IFT122: variants seen among roughly 807,000 people sequenced by gnomAD.
IFT122 encodes intraflagellar transport 122.
IFT122 carries 118 observed loss-of-function variants against 161.6 expected under a neutral mutation model. The observed-to-expected ratio is 0.73, with a 90% CI of 0.63 to 0.85. The LOEUF is 0.85. IFT122 is among the 40% of genes least tolerant of loss of function. IFT122 has a pLI of 0.00. For missense variants in IFT122, 1,381 were observed against 1,579.6 expected (o/e 0.87, Z 2.13); for synonymous variants, 550 against 602.4 (o/e 0.91, Z 1.27).
Position 129,502,734 on chromosome 3 carries a change from T to C in IFT122, c.2399T>C (p.Leu800Pro). 6.2e-7 allele frequency: 1 copy of C among 1,609,666 alleles called. No homozygotes were observed. The highest frequency in any genetic ancestry group is 8.5e-7 in the Non-Finnish European group (1 of 1,179,988). The change falls in exon 20 of 30, where the codon CTG becomes CCG. Residue 800 changes from leucine (L) to proline (P), a missense_variant. This residue lies in a region of IFT122 where 496 missense variants were observed against 502.5 expected (regional missense o/e 0.99). Coordinates refer to ENST00000348417, the MANE Select transcript of IFT122 (RefSeq NM_052989.3). The part of the protein sequence containing the change: ...VDMLIDIARK[L>P]DKAEREPLLL... ...AGGTTGATCGACATCGCCCGCAAACTGGACAAGGCTGAGCGCGAGCCCCTG... is the reference window on the plus strand; with the variant it reads ...AGGTTGATCGACATCGCCCGCAAACCGGACAAGGCTGAGCGCGAGCCCCTG...
At chr3:129,476,138 A>C in intron 9 of IFT122, 177 bp from the exon 10 acceptor site, 1 of 683,798 alleles carries the variant, frequency 1.5e-6, no homozygotes, top group Non-Finnish European at 2.6e-6. Flanking sequence ...ATGAGTAGGG[A>C]GATGCAGAGG....
chr3:129,455,603 C>G (rs546125588), intron 3 of IFT122, among the ~76,000 whole-genome samples: 280 of 151,544 alleles, frequency 1.8e-3, no homozygotes, highest in Non-Finnish European at 3.2e-3. Context: ...TATTCCAGGC[C>G]CAGTTCTAAG....
intron 9 of IFT122, chr3:129,476,043 C>T (rs2077901625): frequency 4.0e-6 from 2 of 502,884 alleles, no homozygotes; most frequent in East Asian, 3.7e-5. Context: ...GGAGCCCTGA[C>T]ACACTCCTGC....
intron 9 of IFT122, among the ~76,000 whole-genome samples, chr3:129,471,344 C>G (rs1414847093): frequency 6.6e-6 from 1 of 152,200 alleles, no homozygotes; most frequent in Admixed American, 6.5e-5. Context: ...GGCTGATTTC[C>G]TAAAACTCTC....
chr3:129,505,053 TC>T (rs1293508376), intron 21 of IFT122, among the ~76,000 whole-genome samples: 1 of 152,210 alleles, frequency 6.6e-6, no homozygotes, highest in East Asian at 1.9e-4. Context: ...TATAGAACTT[TC>T]GCTGATGTTA....
intron 3 of IFT122, among the ~76,000 whole-genome samples, chr3:129,454,554 T>TGTGTGC (rs1263418566): frequency 1.3e-5 from 2 of 150,216 alleles, no homozygotes; most frequent in Admixed American, 6.6e-5. Flanking sequence ...TGTGTGTGTG[T>TGTGTGC]GTGCATGTTT....
intron 9 of IFT122, among the ~76,000 whole-genome samples, chr3:129,473,374 T>G (rs1057218414): frequency 1.3e-5 from 2 of 152,236 alleles, no homozygotes; most frequent in African/African-American, 2.4e-5. Flanking sequence ...TTTTTTCCCT[T>G]GAATATGGTT....
intron 17 of IFT122, 41 bp downstream of exon 17, chr3:129,492,235 TG>T (rs1259387853): frequency 6.7e-7 from 1 of 1,498,732 alleles, no homozygotes; most frequent in Non-Finnish European, 9.3e-7. Context: ...AAGGCATACT[TG>T]GGGTTCCTGT....
chr3:129,514,590 C>G, intron 25 of IFT122, 36 bp downstream of exon 25: 1 of 1,612,956 alleles, frequency 6.2e-7, no homozygotes, highest in South Asian at 1.1e-5. Flanking sequence ...GTGGCTTCTC[C>G]TCTCCCTTGA....
intron 28 of IFT122, 151 bp downstream of exon 28, chr3:129,519,337 T>A: frequency 1.0e-6 from 1 of 959,320 alleles, no homozygotes; most frequent in Non-Finnish European, 1.6e-6. Flanking sequence ...CCCCTTCCTG[T>A]GGGGTGTGGG....
At chr3:129,488,024 A>T (rs1559939295) in intron 15 of IFT122, 2 of 617,772 alleles carry the variant, frequency 3.2e-6, no homozygotes, top group South Asian at 3.8e-5. Context: ...GGAGGGGAGG[A>T]TGGGCAGAGA....
chr3:129,513,897 T>C, intron 24 of IFT122: 1 of 275,374 alleles, frequency 3.6e-6, no homozygotes, highest in Non-Finnish European at 6.9e-6. Context: ...AGGCTGCCGC[T>C]CAGAAACTGC....
In IFT122 at chr3:129,520,317, G is replaced by A. The variant is rs2084602144; in HGVS notation, c.*52G>A. ...CTCTGCCCGCCTTGGGGTCTGCTGG[G>A]CTGTGAAGGAGAATAAAGAGTTAAA... On this transcript the variant is annotated 3_prime_UTR_variant, in exon 30 of 30. Coordinates refer to ENST00000348417, the MANE Select transcript of IFT122 (RefSeq NM_052989.3). The A allele has an allele frequency of 7.3e-7, 1 of 1,365,296 alleles. No individual in the cohort carries two copies. Among genetic ancestry groups the A allele is most frequent in the Non-Finnish European group, 1.0e-6 (1 of 973,576 alleles). 84.6% of individuals were successfully genotyped at this position (1,365,296 alleles called of 1,614,324 possible).
chr3:129,508,992 C>G (rs996999114), intron 23 of IFT122, among the ~76,000 whole-genome samples: 2 of 152,184 alleles, frequency 1.3e-5, no homozygotes, highest in African/African-American at 4.8e-5. Flanking sequence ...TGTAGTGGAT[C>G]AGACCAGCAG....
chr3:129,443,710 G>A (rs1292933311), intron 1 of IFT122, among the ~76,000 whole-genome samples: 1 of 144,752 alleles, frequency 6.9e-6, no homozygotes, highest in Non-Finnish European at 1.5e-5. Context: ...ACAATGTAAA[G>A]AAGACTGTAT....
chr3:129,467,461 C>T (rs1241425475), intron 8 of IFT122, among the ~76,000 whole-genome samples: 2 of 152,030 alleles, frequency 1.3e-5, no homozygotes, highest in African/African-American at 2.4e-5. Context: ...ACAAATCCTT[C>T]GAAGAACATG....
At chr3:129,448,727 CGT>C (rs2107879472) in intron 1 of IFT122, among the ~76,000 whole-genome samples, 1 of 151,714 alleles carries the variant, frequency 6.6e-6, no homozygotes, top group Non-Finnish European at 1.5e-5. Flanking sequence ...AGTCTTCCTC[CGT>C]CGCCCAGACT....
At chr3:129,499,249 T>C (rs1345822604) in intron 18 of IFT122, among the ~76,000 whole-genome samples, 1 of 152,250 alleles carries the variant, frequency 6.6e-6, no homozygotes, top group East Asian at 1.9e-4. Context: ...TTGCTTGTTA[T>C]CTGTTCCAGG....
Position 129,517,268 on chromosome 3 carries a change from G to GCACACACA in IFT122, c.3266-174_3266-167dup, listed in dbSNP as rs777108020. The stretch of plus-strand genomic sequence containing the variant: ...CCCTGCACACACACACATTGCTCCT[G>GCACACACA]CACACACACACACACACACACACAC... On this transcript the variant is annotated intron_variant, in intron 26 of 29. Coordinates refer to ENST00000348417, the MANE Select transcript of IFT122 (RefSeq NM_052989.3). 5.7e-3 allele frequency among the ~76,000 whole-genome samples: 671 copies of GCACACACA among 117,080 alleles called. 5 individuals are homozygous for GCACACACA. The highest frequency in any genetic ancestry group is 0.014 in the African/African-American group (445 of 30,950). The allele number at this position is 117,080 out of a possible 152,430, so 76.8% of individuals were successfully genotyped here.
Sources: allele counts gnomAD v4.1 joint callset (sites outside exome capture counted in the v4.1 genomes callset), GRCh38; gene constraint gnomAD v4.1.1; regional missense constraint gnomAD v4.1.1; transcripts MANE v1.5; gene names NCBI Gene and HGNC (gene_info 2026-07-23, HGNC 2026-07-21).